GRIA1: variants seen among roughly 807,000 people sequenced by gnomAD.
GRIA1 encodes the protein glutamate ionotropic receptor AMPA type subunit 1.
GRIA1 carries 31 observed loss-of-function variants against 99.2 expected under a neutral mutation model. The observed-to-expected ratio is 0.31, with a 90% confidence interval of 0.23 to 0.42. The LOEUF (loss-of-function observed/expected upper bound fraction) is 0.42, where lower values mean the gene tolerates loss of function less well. GRIA1 is among the 10% of genes least tolerant of loss of function. The probability of loss-of-function intolerance (pLI) is 1.00; values close to 1 mark genes in which losing one functional copy is unlikely to be tolerated. For synonymous variants in GRIA1, 438 were observed against 432.4 expected (o/e 1.01, Z -0.16); for missense variants, 782 against 1,157.5 (o/e 0.68, Z 4.71).
At chr5:153,543,452 G>A (rs935852986) in intron 2 of GRIA1, among the ~76,000 whole-genome samples, 2 of 152,128 alleles carry the variant, frequency 1.3e-5, no homozygotes, top group Non-Finnish European at 2.9e-5. Context: ...GTGAACTGAG[G>A]TTTCAGAAGT....
chr5:153,757,105 G>T (rs1406913050), intron 11 of GRIA1, among the ~76,000 whole-genome samples: 2 of 152,126 alleles, frequency 1.3e-5, no homozygotes, highest in Non-Finnish European at 2.9e-5. Context: ...CAGAGAGATT[G>T]CAACAACAAA....
intron 11 of GRIA1, among the ~76,000 whole-genome samples, chr5:153,746,770 A>C (rs1762189389): frequency 6.6e-6 from 1 of 152,220 alleles, no homozygotes; most frequent in Non-Finnish European, 1.5e-5. Flanking sequence ...AAGCCCAAAA[A>C]TACACAGAAG....
chr5:153,553,761 G>T (rs139839211), intron 2 of GRIA1, among the ~76,000 whole-genome samples: 1 of 152,158 alleles, frequency 6.6e-6, no homozygotes, highest in Non-Finnish European at 1.5e-5. Flanking sequence ...GGGAAAATGC[G>T]ATCACCAGTT....
At chr5:153,763,325 GGGTTTCTT>G (rs1214839973) in intron 11 of GRIA1, among the ~76,000 whole-genome samples, 2 of 152,192 alleles carry the variant, frequency 1.3e-5, no homozygotes, top group Non-Finnish European at 2.9e-5. Context: ...GTAGACTCTT[GGGTTTCTT>G]GGTAAAACTC....
chr5:153,610,697 G>A (rs558028049), intron 2 of GRIA1, among the ~76,000 whole-genome samples: 2 of 152,162 alleles, frequency 1.3e-5, no homozygotes, highest in East Asian at 3.9e-4. Flanking sequence ...TCTCTATGTT[G>A]CAATTTCCCC....
At chr5:153,655,793 G>A in intron 4 of GRIA1, 26 bp from the exon 5 acceptor site, 1 of 1,602,224 alleles carries the variant, frequency 6.2e-7, no homozygotes, top group Non-Finnish European at 8.5e-7. Flanking sequence ...TATGATTAAT[G>A]AGTCTCCACC....
chr5:153,611,773 C>T (rs1401753340), intron 2 of GRIA1, among the ~76,000 whole-genome samples: 1 of 152,206 alleles, frequency 6.6e-6, no homozygotes, highest in Non-Finnish European at 1.5e-5. Flanking sequence ...ACCTGCTTTT[C>T]AGTGGACAAA....
At chr5:153,775,908 A>T (rs947005671) in intron 13 of GRIA1, among the ~76,000 whole-genome samples, 2 of 151,860 alleles carry the variant, frequency 1.3e-5, no homozygotes. Flanking sequence ...AAACGGAAAA[A>T]AAAAAACATG....
chr5:153,813,138 A>G lies in GRIA1; in HGVS notation c.*1913A>G, dbSNP rs899037489. ...TTTTTTGACTCAAGTGTTGTTGTTCAGTCTCTCGCGTGTCAATGTGGTCAT... is the reference window on the plus strand; with the variant it reads ...TTTTTTGACTCAAGTGTTGTTGTTCGGTCTCTCGCGTGTCAATGTGGTCAT... On this transcript the variant is annotated 3_prime_UTR_variant, in exon 16 of 16. Transcript: ENST00000285900. The G allele has an allele frequency of 6.6e-6, 1 of 152,292 alleles. No homozygotes were observed. Among genetic ancestry groups the G allele is most frequent in the East Asian group, 1.9e-4 (1 of 5,190 alleles). The allele number at this position is 152,292 out of a possible 1,614,324, so 9.4% of individuals were successfully genotyped here. A position where few individuals can be genotyped will look rare whatever the true frequency, so the allele number is the denominator to read the frequency against.
At chr5:153,783,502 C>T (rs916972633) in intron 13 of GRIA1, among the ~76,000 whole-genome samples, 4 of 152,206 alleles carry the variant, frequency 2.6e-5, no homozygotes, top group Non-Finnish European at 5.9e-5. Flanking sequence ...GAAATGCTTG[C>T]TGTCTCTAGA....
intron 1 of GRIA1, chr5:153,492,213 C>T: frequency 1.3e-6 from 2 of 1,532,174 alleles, no homozygotes; most frequent in Non-Finnish European, 1.7e-6. Flanking sequence ...GCTGCAGTAC[C>T]CATCTCTTTC....
intron 2 of GRIA1, among the ~76,000 whole-genome samples, chr5:153,507,310 C>G (rs1755621370): frequency 6.6e-6 from 1 of 152,084 alleles, no homozygotes; most frequent in Non-Finnish European, 1.5e-5. Context: ...CCACCACCCC[C>G]ACATACCCCT....
chr5:153,686,791 T>C (rs1267696017), intron 8 of GRIA1, among the ~76,000 whole-genome samples: 1 of 152,228 alleles, frequency 6.6e-6, no homozygotes, highest in African/African-American at 2.4e-5. Context: ...TTTACATATA[T>C]GTATAATGTA....
At chr5:153,594,408 ACTTCGT>A (rs1257586788) in intron 2 of GRIA1, among the ~76,000 whole-genome samples, 4 of 151,976 alleles carry the variant, frequency 2.6e-5, no homozygotes, top group Non-Finnish European at 5.9e-5. Flanking sequence ...GATACCTTCA[ACTTCGT>A]CTTTCAGTAT....
intron 11 of GRIA1, among the ~76,000 whole-genome samples, chr5:153,719,379 T>C (rs72802695): frequency 0.056 from 8,526 of 152,080 alleles, 296 homozygotes; most frequent in Non-Finnish European, 0.075. Flanking sequence ...AGGGGCACCA[T>C]GGATGACTTG....
intron 14 of GRIA1, among the ~76,000 whole-genome samples, chr5:153,796,310 T>G (rs1276596650): frequency 3.9e-5 from 6 of 152,216 alleles, no homozygotes. Flanking sequence ...TGTCGTTATT[T>G]GCTTCACGTG....
intron 8 of GRIA1, among the ~76,000 whole-genome samples, chr5:153,693,648 G>A (rs754412410): frequency 3.1e-4 from 47 of 152,128 alleles, no homozygotes; most frequent in Non-Finnish European, 4.9e-4. Flanking sequence ...ATCTTTAGAG[G>A]TAGATGGAAA....
At chr5:153,748,681 A>G (rs1581590780) in intron 11 of GRIA1, among the ~76,000 whole-genome samples, 1 of 152,078 alleles carries the variant, frequency 6.6e-6, no homozygotes, top group African/African-American at 2.4e-5. Context: ...ATTGGACTGG[A>G]TGGGCTGGAT....
At chr5:153,603,529 A>G (rs986170295) in intron 2 of GRIA1, among the ~76,000 whole-genome samples, 4 of 140,418 alleles carry the variant, frequency 2.8e-5, no homozygotes, top group African/African-American at 1.0e-4. Context: ...TATAATAATA[A>G]TTAAAAAAAA....
Sources: gnomAD v4.1 joint callset for allele counts (sites outside exome capture counted in the v4.1 genomes callset) on GRCh38, gnomAD v4.1.1 for gene constraint, MANE v1.5 for transcripts, NCBI Gene and HGNC (gene_info 2026-07-23, HGNC 2026-07-21) for gene names.